LRRC7: variants seen among roughly 807,000 people sequenced by gnomAD.
LRRC7 encodes leucine rich repeat containing 7.
Under a neutral mutation model 175.7 loss-of-function variants are expected in LRRC7, and 23 were observed. The observed-to-expected ratio is 0.13, with a 90% CI of 0.09 to 0.19. LRRC7 has a LOEUF of 0.19. LRRC7 is among the 10% of genes least tolerant of loss of function. LRRC7 has a pLI of 1.00. For missense variants in LRRC7, 1,354 were observed against 1,904.7 expected (o/e 0.71, Z 5.38); for synonymous variants, 685 against 680.9 (o/e 1.01, Z -0.09).
At chr1:69,725,321 G>A (rs920670741) in intron 2 of LRRC7, among the ~76,000 whole-genome samples, 4 of 152,084 alleles carry the variant, frequency 2.6e-5, no homozygotes, top group Non-Finnish European at 4.4e-5. Flanking sequence ...GAAAATCCAC[G>A]TTTAAGTGGG....
intron 20 of LRRC7, among the ~76,000 whole-genome samples, chr1:70,037,666 T>A (rs1420734356): frequency 6.6e-6 from 1 of 152,150 alleles, no homozygotes; most frequent in Non-Finnish European, 1.5e-5. Context: ...CAGGAATGGG[T>A]ATCAGGAATC....
At chr1:69,644,858 G>C (rs1242242853) in intron 1 of LRRC7, among the ~76,000 whole-genome samples, 1 of 151,834 alleles carries the variant, frequency 6.6e-6, no homozygotes, top group African/African-American at 2.4e-5. Context: ...ATATTAACAG[G>C]ATAAAGGAGA....
chr1:69,617,307 C>A (rs1649786875), intron 1 of LRRC7, among the ~76,000 whole-genome samples: 1 of 151,910 alleles, frequency 6.6e-6, no homozygotes, highest in Non-Finnish European at 1.5e-5. Flanking sequence ...AATATGTCAG[C>A]AAAAGCAATC....
chr1:69,818,175 T>G (rs1285666834), intron 4 of LRRC7, among the ~76,000 whole-genome samples: 2 of 152,146 alleles, frequency 1.3e-5, no homozygotes, highest in Non-Finnish European at 2.9e-5. Flanking sequence ...AGAGTGATCA[T>G]CCTTGTCATG....
At chr1:69,877,613 T>C (rs1686160399) in intron 7 of LRRC7, among the ~76,000 whole-genome samples, 5 of 152,196 alleles carry the variant, frequency 3.3e-5, no homozygotes. Context: ...TGGCCATTTC[T>C]ATTATCCAAG....
chr1:70,030,855 T>G (rs1431625571), intron 18 of LRRC7, among the ~76,000 whole-genome samples: 1 of 152,178 alleles, frequency 6.6e-6, no homozygotes, highest in Non-Finnish European at 1.5e-5. Context: ...TAGATGCCAA[T>G]AGTTTTAACA....
chr1:70,029,250 T>G (rs555045346), intron 18 of LRRC7, among the ~76,000 whole-genome samples: 4 of 152,272 alleles, frequency 2.6e-5, no homozygotes, highest in African/African-American at 9.6e-5. Context: ...TTAAGACACA[T>G]GAAACAATTA....
At chr1:69,634,881 G>A (rs753992374) in intron 1 of LRRC7, among the ~76,000 whole-genome samples, 8 of 152,076 alleles carry the variant, frequency 5.3e-5, no homozygotes, top group Non-Finnish European at 1.0e-4. Flanking sequence ...ATTTGACTGA[G>A]CGGAAAATTG....
chr1:69,604,866 C>G (rs1432377763), intron 1 of LRRC7, among the ~76,000 whole-genome samples: 1 of 152,116 alleles, frequency 6.6e-6, no homozygotes, highest in African/African-American at 2.4e-5. Context: ...CTACTAATGA[C>G]ATTACACAAA....
chr1:69,878,573 C>A (rs1011156411), intron 7 of LRRC7, among the ~76,000 whole-genome samples: 2 of 152,016 alleles, frequency 1.3e-5, no homozygotes, highest in Non-Finnish European at 2.9e-5. Context: ...AGGCTTCTGG[C>A]AGATTTTCTG....
chr1:69,909,639 C>T (rs555116396), intron 7 of LRRC7, among the ~76,000 whole-genome samples: 17 of 152,144 alleles, frequency 1.1e-4, no homozygotes, highest in Admixed American at 2.0e-4. Flanking sequence ...CTGAGAGATC[C>T]GCTGTTAGTC....
intron 3 of LRRC7, among the ~76,000 whole-genome samples, chr1:69,787,805 T>G (rs1674655163): frequency 6.6e-6 from 1 of 152,142 alleles, no homozygotes; most frequent in South Asian, 2.1e-4. Flanking sequence ...CTTGCCCCCA[T>G]GATTCAATTA....
intron 7 of LRRC7, among the ~76,000 whole-genome samples, chr1:69,913,164 G>A (rs1646584492): frequency 6.6e-6 from 1 of 152,064 alleles, no homozygotes; most frequent in South Asian, 2.1e-4. Flanking sequence ...ATATTGCAAG[G>A]AGTAATACCT....
intron 7 of LRRC7, among the ~76,000 whole-genome samples, chr1:69,929,443 G>A (rs554394335): frequency 6.6e-6 from 1 of 152,232 alleles, no homozygotes; most frequent in South Asian, 2.1e-4. Flanking sequence ...TAGTTGTTCA[G>A]ACCAAAACAC....
chr1:69,582,447 T>C (rs903873250), intron 1 of LRRC7, among the ~76,000 whole-genome samples: 2 of 152,144 alleles, frequency 1.3e-5, no homozygotes, highest in East Asian at 1.9e-4. Flanking sequence ...GTTTTCCTGG[T>C]AGAGGACAGG....
intron 2 of LRRC7, among the ~76,000 whole-genome samples, chr1:69,720,473 A>G (rs1666229255): frequency 6.6e-6 from 1 of 151,666 alleles, no homozygotes; most frequent in Non-Finnish European, 1.5e-5. Context: ...TCGTGTTTAT[A>G]TAGTCAATAT....
chr1:69,813,348 T>A (rs1196425478), intron 4 of LRRC7, among the ~76,000 whole-genome samples: 2 of 152,118 alleles, frequency 1.3e-5, no homozygotes, highest in Non-Finnish European at 2.9e-5. Context: ...CCATACCAAC[T>A]GATTGAATTC....
rs143649792 is a variant in LRRC7, at chr1:69,921,623, T to C, written c.648-9884T>C. 8.5e-5 allele frequency among the ~76,000 whole-genome samples: 13 copies of C among 152,328 alleles called. No homozygotes were observed. The East Asian group carries it at 2.5e-3, about 29-fold the overall frequency. Reference sequence around the variant, plus strand: ...CATTATTCATATTGCCATTGCCTTATTTCTGGCCCCAATTATATCCCACAT... The same window carrying C: ...CATTATTCATATTGCCATTGCCTTACTTCTGGCCCCAATTATATCCCACAT... On this transcript the variant is annotated intron_variant, in intron 7 of 26. Transcript: ENST00000651989.
chr1:70,129,435 G>C lies in LRRC7; in HGVS notation c.*7548G>C, dbSNP rs774900354. On this transcript the variant is annotated 3_prime_UTR_variant, in exon 27 of 27. Transcript: ENST00000651989. ...TGCCAATTTGTTCTAAAGAGGAAAG[G>C]AAATGAAGAAAGGTGTTCCTCAACT... Among the ~76,000 whole-genome samples the C allele has an allele frequency of 6.6e-6, 1 of 152,132 alleles. No individual in the cohort carries two copies. The highest frequency in any genetic ancestry group is 1.5e-5 in the Non-Finnish European group (1 of 68,016).
Sources: gnomAD v4.1 joint callset for allele counts (sites outside exome capture counted in the v4.1 genomes callset) on GRCh38, gnomAD v4.1.1 for gene constraint, MANE v1.5 for transcripts, NCBI Gene and HGNC (gene_info 2026-07-23, HGNC 2026-07-21) for gene names.